RAB28: variants seen among roughly 807,000 people sequenced by gnomAD.
RAB28 encodes ras-related protein Rab-28.
In RAB28, 24 loss-of-function variants were observed where a neutral mutation model predicts 31.7. The ratio of observed to expected loss-of-function variants is 0.76; its 90% CI spans 0.55 to 1.06. RAB28 has a LOEUF of 1.06. Among genes scored for constraint, RAB28 ranks in the 50% least tolerant of loss-of-function variants. RAB28 has a pLI of 0.00. For missense variants in RAB28, 254 were observed against 258.5 expected, an observed-to-expected ratio of 0.98 and a Z score of 0.12; for synonymous variants, 100 against 90.4, an observed-to-expected ratio of 1.11 and a Z score of -0.60.
chr4:13,484,183 TGG>T lies in RAB28; in HGVS notation c.-35_-34del. 7.5e-7 allele frequency: 1 copy of T among 1,341,818 alleles called. No homozygotes were observed. The highest frequency in any genetic ancestry group is 9.9e-7 in the Non-Finnish European group (1 of 1,007,222). The allele number at this position is 1,341,818 out of a possible 1,614,324, so 83.1% of individuals were successfully genotyped here. A position where few individuals can be genotyped will look rare whatever the true frequency, so the allele number is the denominator to read the frequency against. On this transcript the variant is annotated 5_prime_UTR_variant, in exon 1 of 7. Coordinates refer to ENST00000330852, the MANE Select transcript of RAB28 (RefSeq NM_001017979.3). Reference sequence around the variant, plus strand: ...CGGGAACCAGGCCCGCCCCTCGAGGTGGGGGGGGAAGGGAAGGATGAAGGCTC... The same window carrying T: ...CGGGAACCAGGCCCGCCCCTCGAGGTGGGGGGAAGGGAAGGATGAAGGCTC...
intron 4 of RAB28, among the ~76,000 whole-genome samples, chr4:13,446,983 A>T (rs1267487433): frequency 6.6e-6 from 1 of 152,166 alleles, no homozygotes; most frequent in Non-Finnish European, 1.5e-5. Flanking sequence ...CAGTAAATGC[A>T]ACTTTAGCCT....
chr4:13,413,548 G>A (rs1263244654), intron 4 of RAB28, among the ~76,000 whole-genome samples: 1 of 151,958 alleles, frequency 6.6e-6, no homozygotes, highest in African/African-American at 2.4e-5. Context: ...AGAGAAAAAA[G>A]CATAAAGTTT....
intron 4 of RAB28, among the ~76,000 whole-genome samples, chr4:13,445,713 T>C (rs1714657093): frequency 6.6e-6 from 1 of 152,232 alleles, no homozygotes; most frequent in Admixed American, 6.5e-5. Flanking sequence ...CTGCTATCTA[T>C]TCCTTCTTCC....
intron 4 of RAB28, among the ~76,000 whole-genome samples, chr4:13,426,182 T>A (rs1713475221): frequency 6.6e-6 from 1 of 152,150 alleles, no homozygotes; most frequent in Admixed American, 6.5e-5. Context: ...GACATTTTCA[T>A]CTTTTTGACA....
At chr4:13,425,534 G>C (rs1051209543) in intron 4 of RAB28, among the ~76,000 whole-genome samples, 3 of 152,100 alleles carry the variant, frequency 2.0e-5, no homozygotes, top group Admixed American at 1.3e-4. Context: ...CTACATTAAA[G>C]TTGTGGCTGG....
intron 6 of RAB28, among the ~76,000 whole-genome samples, chr4:13,375,587 G>A (rs1375898195): frequency 6.6e-6 from 1 of 152,100 alleles, no homozygotes; most frequent in African/African-American, 2.4e-5. Context: ...GTGTCTGGGA[G>A]CTATTTAAAC....
rs563071888 is a variant in RAB28, at chr4:13,461,643, T to C, written c.262-815A>G. On this transcript the variant is annotated intron_variant, in intron 3 of 6. Coordinates refer to ENST00000330852, the MANE Select transcript of RAB28 (RefSeq NM_001017979.3). ...CAGAAGGATTGCTTCCTGCCTCTTA[T>C]ATATCATATTCCTTTTAATTTATCT... 8.1e-4 allele frequency among the ~76,000 whole-genome samples: 123 copies of C among 152,306 alleles called. 1 individual carries two copies. Among genetic ancestry groups the C allele is most frequent in the African/African-American group, 2.9e-3 (122 of 41,574 alleles).
At chr4:13,457,120 G>T (rs7657454) in intron 4 of RAB28, among the ~76,000 whole-genome samples, 8,511 of 152,114 alleles carry the variant, frequency 0.056, 543 homozygotes, top group African/African-American at 0.16. Context: ...AGGGACACAA[G>T]GATAAATTTT....
At chr4:13,428,662 C>T (rs902726934) in intron 4 of RAB28, among the ~76,000 whole-genome samples, 8 of 152,058 alleles carry the variant, frequency 5.3e-5, no homozygotes, top group African/African-American at 1.9e-4. Context: ...TTGTCAAAGC[C>T]TCAAAAAACT....
intron 4 of RAB28, among the ~76,000 whole-genome samples, chr4:13,455,577 G>A (rs183081410): frequency 3.5e-4 from 54 of 152,310 alleles, no homozygotes; most frequent in African/African-American, 6.5e-4. Flanking sequence ...GGTGGCTCTC[G>A]TCTCAAGATG....
At chr4:13,385,620 G>A (rs1729335948) in intron 4 of RAB28, among the ~76,000 whole-genome samples, 1 of 152,094 alleles carries the variant, frequency 6.6e-6, no homozygotes, top group African/African-American at 2.4e-5. Context: ...ATCCTTTTCA[G>A]ACAAGCAAAT....
chr4:13,409,637 C>T (rs184735105), intron 4 of RAB28, among the ~76,000 whole-genome samples: 1 of 152,184 alleles, frequency 6.6e-6, no homozygotes, highest in Non-Finnish European at 1.5e-5. Flanking sequence ...AAATCAGTTA[C>T]AAGGAGTGAG....
intron 3 of RAB28, among the ~76,000 whole-genome samples, chr4:13,471,170 T>C (rs1439501247): frequency 6.6e-6 from 1 of 152,092 alleles, no homozygotes; most frequent in South Asian, 2.1e-4. Context: ...TCCTGTAGTA[T>C]ATCAAAATCC....
At chr4:13,443,955 G>A (rs1714552714) in intron 4 of RAB28, among the ~76,000 whole-genome samples, 1 of 151,288 alleles carries the variant, frequency 6.6e-6, no homozygotes, top group Admixed American at 6.6e-5. Context: ...TCTGTGCCTG[G>A]CTTATTTTAC....
At chr4:13,452,029 A>AGCTT (rs1025374525) in intron 4 of RAB28, among the ~76,000 whole-genome samples, 2 of 151,770 alleles carry the variant, frequency 1.3e-5, no homozygotes, top group African/African-American at 2.4e-5. Context: ...TCAGATCTTC[A>AGCTT]GCTTGCTTGC....
intron 3 of RAB28, among the ~76,000 whole-genome samples, chr4:13,465,536 G>C (rs1715796403): frequency 6.6e-6 from 1 of 151,092 alleles, no homozygotes; most frequent in African/African-American, 2.4e-5. Context: ...AAACTACCTA[G>C]AATTCTATAC....
chr4:13,470,221 AATGAATTAAATC>A (rs1210082993), intron 3 of RAB28, among the ~76,000 whole-genome samples: 1 of 152,116 alleles, frequency 6.6e-6, no homozygotes, highest in African/African-American at 2.4e-5. Context: ...TACATATAGA[AATGAATTAAATC>A]ATACAGATTA....
intron 6 of RAB28, chr4:13,370,277 T>A: frequency 1.0e-6 from 1 of 962,540 alleles, no homozygotes; most frequent in Non-Finnish European, 1.2e-6. Context: ...ATAACACAAT[T>A]ATATATAACA....
At chr4:13,379,137 C>T (rs758728543) in intron 5 of RAB28, among the ~76,000 whole-genome samples, 47 of 140,116 alleles carry the variant, frequency 3.4e-4, no homozygotes, top group Non-Finnish European at 5.3e-4. Context: ...ACCCAGGAGG[C>T]GGAGGCTGCA....
Sources: allele counts gnomAD v4.1 joint callset (sites outside exome capture counted in the v4.1 genomes callset), GRCh38; gene constraint gnomAD v4.1.1; transcripts MANE v1.5; gene names NCBI Gene and HGNC (gene_info 2026-07-23, HGNC 2026-07-21).